CEP76: variants seen among roughly 807,000 people sequenced by gnomAD.
CEP76 encodes the protein centrosomal protein of 76 kDa.
CEP76 carries 55 observed loss-of-function variants against 83.3 expected under a neutral mutation model. The ratio of observed to expected loss-of-function variants is 0.66; its 90% CI spans 0.53 to 0.83. The LOEUF (loss-of-function observed/expected upper bound fraction) is 0.83, where lower values mean the gene tolerates loss of function less well. Among genes scored for constraint, CEP76 ranks in the 40% least tolerant of loss-of-function variants. The probability of loss-of-function intolerance (pLI) is 0.00; values close to 1 mark genes in which losing one functional copy is unlikely to be tolerated. For missense variants in CEP76, 694 were observed against 799.5 expected (o/e 0.87, Z 1.59); for synonymous variants, 270 against 274.5 (o/e 0.98, Z 0.16).
chr18:12,667,031 A>C (rs374417624), intron 12 of CEP76, among the ~76,000 whole-genome samples: 15 of 152,284 alleles, frequency 9.9e-5, no homozygotes, highest in East Asian at 7.7e-4. Flanking sequence ...AAACAACAAC[A>C]ACCAAACAAA....
In CEP76 at chr18:12,672,759, T is replaced by C; in HGVS notation, c.*606A>G. Reference sequence around the variant, plus strand: ...TTTCTAAATGATTCATGTACTTTCATATGAGGTTATTAATATTTATGCTTT... The same window carrying C: ...TTTCTAAATGATTCATGTACTTTCACATGAGGTTATTAATATTTATGCTTT... On this transcript the variant is annotated 3_prime_UTR_variant, in exon 12 of 12. Coordinates refer to ENST00000262127, the MANE Select transcript of CEP76 (RefSeq NM_024899.4). 3.1e-6 allele frequency: 3 copies of C among 975,306 alleles called. No homozygotes were observed. Among genetic ancestry groups the C allele is most frequent in the Non-Finnish European group, 3.7e-6 (3 of 820,634 alleles). 60.4% of individuals were successfully genotyped at this position (975,306 alleles called of 1,614,324 possible). A position where few individuals can be genotyped will look rare whatever the true frequency, so the allele number is the denominator to read the frequency against.
chr18:12,702,545 A>G lies in CEP76; in HGVS notation c.4T>C (p.Ser2Pro), dbSNP rs1181694679. 7 of 1,600,576 alleles carry G rather than the reference A, an allele frequency of 4.4e-6. No individual in the cohort carries two copies. The highest frequency in any genetic ancestry group is 1.7e-4 in the Middle Eastern group (1 of 5,884). Residue 2 changes from serine (S) to proline (P), a missense_variant, in exon 1 of 12, where the codon TCG becomes CCG. By Grantham distance (74) the Ser-to-Pro change is moderately conservative. Coordinates refer to ENST00000262127, the MANE Select transcript of CEP76 (RefSeq NM_024899.4). Reference sequence around the variant, plus strand: ...TCGGAGGCTTTCTCCGGAGGCAGCGACATGCTGGCAGCCGGCGTCTCCCCG... The same window carrying G: ...TCGGAGGCTTTCTCCGGAGGCAGCGGCATGCTGGCAGCCGGCGTCTCCCCG... Reference protein sequence around the residue: MSLPPEKASELK... With the variant: MPLPPEKASELK...
At position 12,673,074 on chromosome 18, in the gene CEP76, A is replaced by G; in HGVS notation, c.*291T>C. The G allele has an allele frequency of 9.9e-7, 1 of 1,011,670 alleles. No individual in the cohort carries two copies. Among genetic ancestry groups the G allele is most frequent in the Non-Finnish European group, 1.2e-6 (1 of 838,244 alleles). The allele number at this position is 1,011,670 out of a possible 1,614,324, so 62.7% of individuals were successfully genotyped here. On this transcript the variant is annotated 3_prime_UTR_variant, in exon 12 of 12. Coordinates refer to ENST00000262127, the MANE Select transcript of CEP76 (RefSeq NM_024899.4). Reference sequence around the variant, plus strand: ...GTGTAAAGAAAACTGAATGCATTTTATATTAATATTTAAACTACTGATAAC... The same window carrying G: ...GTGTAAAGAAAACTGAATGCATTTTGTATTAATATTTAAACTACTGATAAC...
chr18:12,684,531 A>AG (rs2039471036), intron 8 of CEP76: 1 of 149,890 alleles, frequency 6.7e-6, no homozygotes, highest in African/African-American at 2.5e-5. Flanking sequence ...CCCACACTGG[A>AG]GTGCGATGGC....
At chr18:12,687,187 G>A (rs1231448889) in intron 7 of CEP76, among the ~76,000 whole-genome samples, 2 of 152,074 alleles carry the variant, frequency 1.3e-5, no homozygotes, top group African/African-American at 2.4e-5. Flanking sequence ...ATTTGGAGAT[G>A]ACCTACCCTC....
intron 7 of CEP76, among the ~76,000 whole-genome samples, chr18:12,688,026 G>A (rs1232548689): frequency 6.6e-6 from 1 of 151,714 alleles, no homozygotes; most frequent in Non-Finnish European, 1.5e-5. Context: ...GGTGGATCAC[G>A]AGGTCAGGAG....
At chr18:12,678,545 G>A (rs1362085665) in intron 9 of CEP76, 103 bp from the exon 10 acceptor site, 6 of 700,862 alleles carry the variant, frequency 8.6e-6, no homozygotes, top group Non-Finnish European at 9.3e-6. Flanking sequence ...CTACTTCTCA[G>A]AACTACAGTT....
At chr18:12,671,872 G>A (rs551240348), downstream of CEP76, among the ~76,000 whole-genome samples, 1 of 152,188 alleles carries the variant, frequency 6.6e-6, no homozygotes, top group South Asian at 2.1e-4. Flanking sequence ...CCACGCTGGA[G>A]TACAGTGGCA....
chr18:12,671,364 A>C (rs937733905), downstream of CEP76, among the ~76,000 whole-genome samples: 1 of 152,174 alleles, frequency 6.6e-6, no homozygotes, highest in Non-Finnish European at 1.5e-5. Context: ...ACTGGTATAG[A>C]GTTACTTTCT....
chr18:12,668,930 G>A, downstream of CEP76, among the ~76,000 whole-genome samples: 1 of 150,182 alleles, frequency 6.7e-6, no homozygotes, highest in Non-Finnish European at 1.5e-5. Context: ...TAGTAGAGAC[G>A]GGGTTTCATC....
Position 12,701,039 on chromosome 18 carries a change from A to T in CEP76, c.138T>A (p.His46Gln). The T allele has an allele frequency of 6.2e-7, 1 of 1,613,832 alleles. No individual in the cohort carries two copies. The highest frequency in any genetic ancestry group is 8.5e-7 in the Non-Finnish European group (1 of 1,179,744). The change falls in exon 2 of 12, where the codon CAT becomes CAA. Residue 46 changes from histidine (H) to glutamine (Q), a missense_variant. Coordinates refer to ENST00000262127, the MANE Select transcript of CEP76 (RefSeq NM_024899.4). The part of the protein sequence containing the change: ...IREELAPDQQ[H>Q]LSTEDLIKAL... The stretch of plus-strand genomic sequence containing the variant: ...CTTTGATCAAATCTTCTGTTGATAA[A>T]TGCTGTTGATCAGGTGCCAATTCTT...
intron 10 of CEP76, among the ~76,000 whole-genome samples, 194 bp from the exon 11 acceptor site, chr18:12,674,947 T>G (rs2039069492): frequency 6.6e-6 from 1 of 152,140 alleles, no homozygotes; most frequent in African/African-American, 2.4e-5. Context: ...GATCAGATTT[T>G]ACTTTTTAGA....
At chr18:12,702,759 A>G, upstream of CEP76, 2 of 585,584 alleles carry the variant, frequency 3.4e-6, no homozygotes, top group Non-Finnish European at 5.9e-6. Flanking sequence ...CTGTTTTCAA[A>G]CAGTGGCGGA....
intron 10 of CEP76, among the ~76,000 whole-genome samples, chr18:12,677,475 A>G (rs2039183356): frequency 6.6e-6 from 1 of 151,062 alleles, no homozygotes; most frequent in African/African-American, 2.4e-5. Context: ...AAAAAAAAAA[A>G]AAAAAAAAAG....
rs577456183 is a variant in CEP76 at position 12,691,049 on chromosome 18, C to A, written c.933+310G>T. On this transcript the variant is annotated intron_variant, in intron 7 of 11. Transcript: ENST00000262127. ...AAGCAAATACACATTCCAAGTTAAA[C>A]AAAATGGATTTTCATCTACTTTAAA... is the stretch of plus-strand genomic sequence containing the variant. Among the ~76,000 whole-genome samples, 11 of 151,390 alleles carry A rather than the reference C, an allele frequency of 7.3e-5. No homozygotes were observed. The East Asian group carries it at 1.2e-3, about 16-fold the overall frequency.
chr18:12,696,564 T>G (rs1187640882), intron 5 of CEP76, among the ~76,000 whole-genome samples: 5 of 152,184 alleles, frequency 3.3e-5, no homozygotes, highest in African/African-American at 1.2e-4. Flanking sequence ...TGGCAAGGTT[T>G]AACTCTGTGA....
At chr18:12,688,520 C>T (rs1014391868) in intron 7 of CEP76, among the ~76,000 whole-genome samples, 18 of 152,014 alleles carry the variant, frequency 1.2e-4, no homozygotes, top group South Asian at 2.1e-4. Context: ...AAGCATTTGC[C>T]TAAGTCAATC....
In CEP76 at chr18:12,672,676, T is replaced by G; in HGVS notation, c.*689A>C. The stretch of plus-strand genomic sequence containing the variant: ...TTATCAGTATCATAACAAAGAGGTA[T>G]AATAAAGTTTTTCTAAAATACCCAA... On this transcript the variant is annotated 3_prime_UTR_variant, in exon 12 of 12. Coordinates refer to ENST00000262127, the MANE Select transcript of CEP76 (RefSeq NM_024899.4). The G allele has an allele frequency of 2.0e-6, 2 of 979,498 alleles. No homozygotes were observed. Among genetic ancestry groups the G allele is most frequent in the Non-Finnish European group, 2.4e-6 (2 of 824,440 alleles). 60.7% of individuals were successfully genotyped at this position (979,498 alleles called of 1,614,324 possible). A position where few individuals can be genotyped will look rare whatever the true frequency, so the allele number is the denominator to read the frequency against.
intron 8 of CEP76, chr18:12,685,936 GGTATA>G: frequency 6.0e-6 from 1 of 165,898 alleles, no homozygotes; most frequent in Middle Eastern, 3.0e-3. Context: ...CAGCCAAAAT[GGTATA>G]GTATTTTATA....
Sources: allele counts gnomAD v4.1 joint callset (sites outside exome capture counted in the v4.1 genomes callset), GRCh38; gene constraint gnomAD v4.1.1; transcripts MANE v1.5; gene names NCBI Gene and HGNC (gene_info 2026-07-23, HGNC 2026-07-21).